Variants in NOTCH4 observed in about 807,000 individuals in gnomAD.
NOTCH4 encodes neurogenic locus notch homolog protein 4.
In NOTCH4, 138 loss-of-function variants were observed where a neutral mutation model predicts 189.0. That is an observed-to-expected ratio of 0.73 (90% CI 0.64 to 0.84). The LOEUF (loss-of-function observed/expected upper bound fraction) is 0.84, where lower values mean the gene tolerates loss of function less well. NOTCH4 is among the 40% of genes least tolerant of loss of function. NOTCH4 has a pLI of 0.00. For missense variants in NOTCH4, 2,286 were observed against 2,605.4 expected (o/e 0.88, Z 2.67); for synonymous variants, 942 against 1,032.8 (o/e 0.91, Z 1.69).
At position 32,198,966 on chromosome 6, in the gene NOTCH4, G is replaced by C. The variant is rs961810048; in HGVS notation, c.4495C>G (p.Arg1499Gly). 7.5e-6 allele frequency: 12 copies of C among 1,602,868 alleles called. No individual in the cohort carries two copies. In the Admixed American group the frequency reaches 1.2e-4, roughly 16 times the overall value. Residue 1499 changes from arginine (R) to glycine (G), a missense_variant, in exon 24 of 30, where the codon CGA becomes GGA. Physicochemically the swap from Arg to Gly is moderately radical, Grantham distance 125. Around this residue, in one of 2 missense-constraint regions of NOTCH4, gnomAD observed 1,903 missense variants for 2,261.9 expected, o/e 0.84. Coordinates refer to ENST00000375023, the MANE Select transcript of NOTCH4 (RefSeq NM_004557.4). The surrounding 1 kb of genome is among the most constrained non-coding windows in gnomAD (Gnocchi z 5.5). ...RRPRTQSAPH[R>G]RRPPLGEDSI... is the part of the protein sequence containing the mutation. Reference sequence around the variant, plus strand: ...TCCTCGCCTAGTGGGGGCCGGCGTCGGTGGGGAGCTGACTGAGTCCGAGGC... The same window carrying C: ...TCCTCGCCTAGTGGGGGCCGGCGTCCGTGGGGAGCTGACTGAGTCCGAGGC...
rs2127467134 is a variant in NOTCH4 at position 32,202,307 on chromosome 6, G to A, written c.3524C>T (p.Ala1175Val). Residue 1175 changes from alanine (A) to valine (V), a missense_variant, in exon 21 of 30, where the codon GCC becomes GTC. Transcript: ENST00000375023. The surrounding 1 kb of genome is among the most constrained non-coding windows in gnomAD (Gnocchi z 5.7). ...TCCACTTCTGCCCTCACACCCCTTG[G>A]CTCCGGGTTTCTGACACCGGGGCCC... is the stretch of plus-strand genomic sequence containing the variant. Reference protein sequence around the residue: ...SPGPRCQKPGAKGCEGRSGDG... With the variant: ...SPGPRCQKPGVKGCEGRSGDG... 6.2e-7 allele frequency: 1 copy of A among 1,612,144 alleles called. No individual in the cohort carries two copies. The highest frequency in any genetic ancestry group is 1.1e-5 in the South Asian group (1 of 91,056).
Position 32,217,291 on chromosome 6 carries a change from A to G in NOTCH4, c.1625-25T>C. 1 of 1,518,542 alleles carries G rather than the reference A, an allele frequency of 6.6e-7. No individual in the cohort carries two copies. Among genetic ancestry groups the G allele is most frequent in the Non-Finnish European group, 9.1e-7 (1 of 1,095,170 alleles). The allele number at this position is 1,518,542 out of a possible 1,614,324, so 94.1% of individuals were successfully genotyped here. On this transcript the variant is annotated intron_variant, in intron 9 of 29. Coordinates refer to ENST00000375023, the MANE Select transcript of NOTCH4 (RefSeq NM_004557.4). This position sits in a 1 kb window ranked among gnomAD's most constrained non-coding sequence, Gnocchi z 4.2. ...CCTGGTGGGGCGGAAGTGGGTGGGGAGAGGAGGCCAAGGTCATCGAGGGAG... is the reference window on the plus strand; with the variant it reads ...CCTGGTGGGGCGGAAGTGGGTGGGGGGAGGAGGCCAAGGTCATCGAGGGAG...
In NOTCH4 at chr6:32,210,855, C is replaced by G; in HGVS notation, c.2762G>C (p.Gly921Ala). Residue 921 changes from glycine to alanine, a missense_variant, in exon 18 of 30, where the codon GGA (glycine) becomes GCA (alanine). Physicochemically the swap from Gly to Ala is moderately conservative, Grantham distance 60. Coordinates refer to ENST00000375023, the MANE Select transcript of NOTCH4 (RefSeq NM_004557.4). The surrounding 1 kb of genome is among the most constrained non-coding windows in gnomAD (Gnocchi z 4.8). ...ATCCTGGCACAGGCTGCCTTGGAAT[C>G]CAGGGGGGCAGTGGCAGAAATAGGA... Reference protein sequence around the residue: ...GPSYFCHCPPGFQGSLCQDHV... With the variant: ...GPSYFCHCPPAFQGSLCQDHV... The G allele has an allele frequency of 2.5e-6, 4 of 1,612,902 alleles. No individual in the cohort carries two copies. The highest frequency in any genetic ancestry group is 3.4e-6 in the Non-Finnish European group (4 of 1,179,964).
intron 27 of NOTCH4, 86 bp from the exon 28 acceptor site, chr6:32,197,158 A>G: frequency 1.9e-6 from 3 of 1,541,004 alleles, no homozygotes; most frequent in Non-Finnish European, 2.6e-6. Flanking sequence ...CTCGCAATCC[A>G]TATTCAGCCA....
chr6:32,198,672 CAG>C lies in NOTCH4; in HGVS notation c.4592_4593del (p.Pro1531ArgfsTer10). On this transcript the variant is annotated frameshift_variant, in exon 25 of 30. Coordinates refer to ENST00000375023, the MANE Select transcript of NOTCH4 (RefSeq NM_004557.4). LOFTEE classifies it high-confidence loss of function. The surrounding 1 kb of genome is among the most constrained non-coding windows in gnomAD (Gnocchi z 5.5). ...DEDGVVMCSG[P>X]EEGEEVGQAE... is the part of the protein sequence containing the mutation. ...ACCTGGCCCACCTCCTCTCCCTCCT[CAG>C]GGCCTGAGCACATCACAACTCCATC... 1 of 1,612,732 alleles carries C rather than the reference CAG, an allele frequency of 6.2e-7. No individual in the cohort carries two copies. Among genetic ancestry groups the C allele is most frequent in the Non-Finnish European group, 8.5e-7 (1 of 1,179,830 alleles).
At chr6:32,213,875 C>T (rs1412962559) in intron 13 of NOTCH4, 35 bp from the exon 14 acceptor site, 1 of 1,602,246 alleles carries the variant, frequency 6.2e-7, no homozygotes, top group African/African-American at 1.3e-5. Context: ...GAAAGGGTGT[C>T]CTCCTTCCCT....
At chr6:32,196,714 A>G (rs1380635943) in intron 28 of NOTCH4, among the ~76,000 whole-genome samples, 1 of 148,776 alleles carries the variant, frequency 6.7e-6, no homozygotes, top group Non-Finnish European at 1.5e-5. Flanking sequence ...CCAGTTCCCC[A>G]GTAAGCTGGA....
chr6:32,223,858 C>A lies in NOTCH4; in HGVS notation c.71G>T (p.Arg24Ile). The A allele has an allele frequency of 6.2e-7, 1 of 1,607,244 alleles. No individual in the cohort carries two copies. ...ACCTCACCCACGCCATGCCTCACCT[C>A]TGGGTCTGACCACTGAGACACATAG... ...LLLCVSVVRP[R>I]GLLCGSFPEP... is the part of the protein sequence containing the mutation. Residue 24 changes from arginine (R) to isoleucine (I), a missense_variant and splice_region_variant, in exon 1 of 30, where the codon AGA becomes ATA. This residue lies in a region of NOTCH4 where 1,903 missense variants were observed against 2,261.9 expected (regional missense o/e 0.84). Transcript: ENST00000375023.
chr6:32,212,984 C>T lies in NOTCH4; in HGVS notation c.2439-73G>A, dbSNP rs528183487. 7.8e-5 allele frequency: 111 copies of T among 1,416,808 alleles called. No individual in the cohort carries two copies. The African/African-American group carries it at 8.2e-4, about 10-fold the overall frequency. The allele number at this position is 1,416,808 out of a possible 1,614,324, so 87.8% of individuals were successfully genotyped here. A position where few individuals can be genotyped will look rare whatever the true frequency, so the allele number is the denominator to read the frequency against. On this transcript the variant is annotated intron_variant, in intron 15 of 29. Coordinates refer to ENST00000375023, the MANE Select transcript of NOTCH4 (RefSeq NM_004557.4). This position sits in a 1 kb window ranked among gnomAD's most constrained non-coding sequence, Gnocchi z 4.4. The stretch of plus-strand genomic sequence containing the variant: ...AGGGGAAGGTAGTGTGTGATATTGT[C>T]GGGAGGCAACCACAGGGAGGTGGCA...
chr6:32,223,053 G>A lies in NOTCH4; in HGVS notation c.107C>T (p.Ala36Val). Reference sequence around the variant, plus strand: ...CAGGCTCAGGCAGGTGCCTCCATTGGCACAGGGTTCTGGGAAACTCCCACA... The same window carrying A: ...CAGGCTCAGGCAGGTGCCTCCATTGACACAGGGTTCTGGGAAACTCCCACA... ...LLCGSFPEPCANGGTCLSLSL... is the reference protein window; with the variant it reads ...LLCGSFPEPCVNGGTCLSLSL... The change falls in exon 2 of 30, where the codon GCC becomes GTC. Residue 36 changes from alanine (A) to valine (V), a missense_variant. Around this residue, in one of 2 missense-constraint regions of NOTCH4, gnomAD observed 1,903 missense variants for 2,261.9 expected, o/e 0.84. Coordinates refer to ENST00000375023, the MANE Select transcript of NOTCH4 (RefSeq NM_004557.4). 6.2e-7 allele frequency: 1 copy of A among 1,613,878 alleles called. No individual in the cohort carries two copies. Among genetic ancestry groups the A allele is most frequent in the South Asian group, 1.1e-5 (1 of 91,058 alleles).
At position 32,198,395 on chromosome 6, in the gene NOTCH4, T is replaced by G; in HGVS notation, c.4756+26A>C. The G allele has an allele frequency of 6.3e-7, 1 of 1,578,592 alleles. No homozygotes were observed. The highest frequency in any genetic ancestry group is 1.2e-5 in the South Asian group (1 of 85,528). ...TAGGGTCAAAGGACTTTTTTTTTTT[T>G]TCTTGGTCTGGGTTGACTCACATAC... is the stretch of plus-strand genomic sequence containing the variant. On this transcript the variant is annotated intron_variant, in intron 26 of 29. Transcript: ENST00000375023. The surrounding 1 kb of genome is among the most constrained non-coding windows in gnomAD (Gnocchi z 5.5).
chr6:32,222,604 C>T lies in NOTCH4; in HGVS notation c.358G>A (p.Asp120Asn), dbSNP rs748704745. 21 of 1,602,810 alleles carry T rather than the reference C, an allele frequency of 1.3e-5. 1 individual carries two copies. The South Asian group carries it at 2.0e-4, about 15-fold the overall frequency. Reference protein sequence around the residue: ...TGERCQAKLEDPCPPSFCSKR... With the variant: ...TGERCQAKLENPCPPSFCSKR... The stretch of plus-strand genomic sequence containing the variant: ...GAACAGAAGGAGGGAGGACAAGGGT[C>T]TTCAAGCTTGGCCTGGCATCTCTCA... Residue 120 changes from aspartate (D) to asparagine (N), a missense_variant, in exon 3 of 30, where the codon GAC (aspartate) becomes AAC (asparagine). Physicochemically the swap from Asp to Asn is conservative, Grantham distance 23 (BLOSUM62 1). Around this residue, in one of 2 missense-constraint regions of NOTCH4, gnomAD observed 1,903 missense variants for 2,261.9 expected, o/e 0.84. Transcript: ENST00000375023.
In NOTCH4 at chr6:32,213,830, A is replaced by G. The variant is rs560724940; in HGVS notation, c.2178T>C (p.Cys726=). ...TCPTGYTGPT[C]SEEMTACHSG... Reference sequence around the variant, plus strand: ...AGTGACAAGCTGTCATCTCCTCACTACAGGTGGGTCCTGAAGGAAACAGGT... The same window carrying G: ...AGTGACAAGCTGTCATCTCCTCACTGCAGGTGGGTCCTGAAGGAAACAGGT... Residue 726 remains cysteine (C), a synonymous_variant, in exon 14 of 30, where the codon TGT becomes TGC. Transcript: ENST00000375023. 7.4e-6 allele frequency: 12 copies of G among 1,611,800 alleles called. No homozygotes were observed. The African/African-American group carries it at 1.3e-4, about 18-fold the overall frequency.
rs141058087 is a variant in NOTCH4, at chr6:32,220,447, G to C, written c.1117C>G (p.Arg373Gly). The part of the protein sequence containing the change: ...TCAPGSTCID[R>G]VGSFSCLCPP... Reference sequence around the variant, plus strand: ...CAGAGGCAGGAGAAAGAGCCCACCCGGTCAATGCAGGTGGATCCCGGGGCA... The same window carrying C: ...CAGAGGCAGGAGAAAGAGCCCACCCCGTCAATGCAGGTGGATCCCGGGGCA... Residue 373 changes from arginine (R) to glycine (G), a missense_variant, in exon 6 of 30, where the codon CGG (arginine) becomes GGG (glycine). Physicochemically the swap from Arg to Gly is moderately radical, Grantham distance 125 (BLOSUM62 -2). Around this residue, in one of 2 missense-constraint regions of NOTCH4, gnomAD observed 1,903 missense variants for 2,261.9 expected, o/e 0.84. Transcript: ENST00000375023. 2 of 1,613,848 alleles carry C rather than the reference G, an allele frequency of 1.2e-6. No homozygotes were observed. The highest frequency in any genetic ancestry group is 8.5e-7 in the Non-Finnish European group (1 of 1,179,972).
chr6:32,208,849 A>G (rs1788851128), intron 18 of NOTCH4, among the ~76,000 whole-genome samples: 1 of 152,266 alleles, frequency 6.6e-6, no homozygotes. Context: ...GGAGAAAAGT[A>G]TGGAAGTTTC....
chr6:32,200,810 A>G lies in NOTCH4; in HGVS notation c.4315+21T>C. On this transcript the variant is annotated intron_variant, in intron 23 of 29. Transcript: ENST00000375023. This position sits in a 1 kb window ranked among gnomAD's most constrained non-coding sequence, Gnocchi z 5.0. ...CTGGCCTGGGAACAGAGGTCAGAGA[A>G]AGTGGCAAGGGGTCACCTACCGGTC... 6.3e-7 allele frequency: 1 copy of G among 1,577,208 alleles called. No individual in the cohort carries two copies. Among genetic ancestry groups the G allele is most frequent in the Non-Finnish European group, 8.6e-7 (1 of 1,162,194 alleles).
chr6:32,204,368 G>C lies in NOTCH4; in HGVS notation c.2887C>G (p.Gln963Glu), dbSNP rs994925352. 3 of 1,612,950 alleles carry C rather than the reference G, an allele frequency of 1.9e-6. No individual in the cohort carries two copies. The African/African-American group carries it at 4.0e-5, about 22-fold the overall frequency. ...GCATCGAGTTCCTTTGAGCAGTTCT[G>C]TCCATCGTAGCCTGGGGCACACTGC... ...LCQCAPGYDG[Q>E]NCSKELDACQ... Residue 963 changes from glutamine to glutamate, a missense_variant, in exon 19 of 30, where the codon CAG becomes GAG. Gln to Glu is a conservative substitution (Grantham distance 29). Around this residue, in one of 2 missense-constraint regions of NOTCH4, gnomAD observed 1,903 missense variants for 2,261.9 expected, o/e 0.84. Transcript: ENST00000375023.
chr6:32,216,798 T>C (rs1789437579), intron 11 of NOTCH4, 147 bp downstream of exon 11: 9 of 1,001,338 alleles, frequency 9.0e-6, no homozygotes, highest in Non-Finnish European at 1.3e-5. Flanking sequence ...TGTACAATTG[T>C]GCAGGTTTTA....
intron 11 of NOTCH4, 171 bp downstream of exon 11, chr6:32,216,774 C>A: frequency 1.2e-6 from 1 of 847,732 alleles, no homozygotes; most frequent in Admixed American, 2.0e-5. Flanking sequence ...AACCCCTGCC[C>A]TTGTCCCCAT....
Sources: gnomAD v4.1 joint callset for allele counts (sites outside exome capture counted in the v4.1 genomes callset) on GRCh38, gnomAD v4.1.1 for gene constraint, gnomAD v4.1.1 regional missense constraint, Gnocchi (gnomAD v3.1) non-coding constraint, MANE v1.5 for transcripts, NCBI Gene and HGNC (gene_info 2026-07-23, HGNC 2026-07-21) for gene names.